Variants in CHCHD6 observed in about 807,000 individuals in gnomAD.
CHCHD6 encodes the protein coiled-coil-helix-coiled-coil-helix domain containing 6, also known as MICOS complex subunit MIC25.
In CHCHD6, 28 loss-of-function variants were observed where a neutral mutation model predicts 32.3. That is an observed-to-expected ratio of 0.87 (90% confidence interval 0.64 to 1.19). The LOEUF (loss-of-function observed/expected upper bound fraction) is 1.19. Ranked by LOEUF, CHCHD6 falls within the 50% of genes most tolerant of loss-of-function variation. The pLI is 0.00. For synonymous variants in CHCHD6, 122 were observed against 117.5 expected (o/e 1.04, Z -0.25); for missense variants, 333 against 307.0 (o/e 1.08, Z -0.63).
chr3:126,898,224 C>T (rs2077869098), intron 5 of CHCHD6, among the ~76,000 whole-genome samples: 1 of 152,260 alleles, frequency 6.6e-6, no homozygotes, highest in African/African-American at 2.4e-5. Flanking sequence ...CCCTGCTCTT[C>T]CCCAGTAAAG....
intron 4 of CHCHD6, among the ~76,000 whole-genome samples, chr3:126,830,533 C>T (rs1323201075): frequency 6.6e-6 from 1 of 152,218 alleles, no homozygotes; most frequent in Non-Finnish European, 1.5e-5. Flanking sequence ...GTCTTCCTCG[C>T]CCCCTGCTCT....
intron 6 of CHCHD6, among the ~76,000 whole-genome samples, chr3:126,956,560 G>GGA (rs2078786390): frequency 1.3e-5 from 2 of 151,430 alleles, no homozygotes; most frequent in African/African-American, 4.9e-5. Context: ...TGGCTGGCAG[G>GGA]GAGTGCACGA....
Position 126,891,941 on chromosome 3 carries a change from T to C in CHCHD6, c.496-22739T>C, listed in dbSNP as rs1201497605. ...GGTAATGAAATCTAAGCCACTGGCA[T>C]TTGGGAAGCACCTGTGCTTGTCACT... is the stretch of plus-strand genomic sequence containing the variant. On this transcript the variant is annotated intron_variant, in intron 5 of 7. Coordinates refer to ENST00000290913, the MANE Select transcript of CHCHD6 (RefSeq NM_032343.3). 2.0e-5 allele frequency among the ~76,000 whole-genome samples: 3 copies of C among 152,100 alleles called. No homozygotes were observed. The East Asian group carries it at 5.8e-4, about 29-fold the overall frequency.
intron 5 of CHCHD6, among the ~76,000 whole-genome samples, chr3:126,871,983 G>T (rs551644442): frequency 1.3e-5 from 2 of 152,164 alleles, no homozygotes; most frequent in South Asian, 4.2e-4. Context: ...CCCTTTTAAA[G>T]ATCATCCATC....
At chr3:126,788,838 C>T (rs1474004778) in intron 4 of CHCHD6, among the ~76,000 whole-genome samples, 12 of 152,184 alleles carry the variant, frequency 7.9e-5, no homozygotes, top group African/African-American at 2.9e-4. Flanking sequence ...CTGCTCTGAT[C>T]TTAGTTATTT....
chr3:126,943,406 T>C (rs1045465795), intron 6 of CHCHD6, among the ~76,000 whole-genome samples: 1 of 152,226 alleles, frequency 6.6e-6, no homozygotes, highest in African/African-American at 2.4e-5. Context: ...CTCTGCCTCG[T>C]TTTGCCTCCT....
chr3:126,706,266 A>G (rs1171188417), intron 1 of CHCHD6, among the ~76,000 whole-genome samples: 1 of 152,166 alleles, frequency 6.6e-6, no homozygotes, highest in Admixed American at 6.5e-5. Context: ...TTTCATTTCT[A>G]GTTCTCTTAA....
At chr3:126,763,265 C>T (rs573792890) in intron 4 of CHCHD6, among the ~76,000 whole-genome samples, 1 of 146,840 alleles carries the variant, frequency 6.8e-6, no homozygotes, top group Admixed American at 6.9e-5. Flanking sequence ...TCCTTTCCTT[C>T]CCCTCCCCTC....
At chr3:126,873,902 G>C (rs993709045) in intron 5 of CHCHD6, among the ~76,000 whole-genome samples, 1 of 152,224 alleles carries the variant, frequency 6.6e-6, no homozygotes, top group Non-Finnish European at 1.5e-5. Flanking sequence ...TTAAGTGGTA[G>C]AAGCGGGATT....
chr3:126,896,774 C>T (rs2077846631), intron 5 of CHCHD6, among the ~76,000 whole-genome samples: 1 of 152,132 alleles, frequency 6.6e-6, no homozygotes, highest in African/African-American at 2.4e-5. Context: ...GGCTAGCAGA[C>T]CCTCGAAGGG....
At chr3:126,768,703 C>G (rs923189740) in intron 4 of CHCHD6, among the ~76,000 whole-genome samples, 1 of 152,146 alleles carries the variant, frequency 6.6e-6, no homozygotes, top group Non-Finnish European at 1.5e-5. Flanking sequence ...TATAAGCATA[C>G]CCTTTTCCCC....
intron 4 of CHCHD6, among the ~76,000 whole-genome samples, chr3:126,739,344 T>TTTG (rs60465053): frequency 2.6e-5 from 4 of 151,874 alleles, no homozygotes; most frequent in Non-Finnish European, 5.9e-5. Flanking sequence ...CCACATATTC[T>TTTG]TTGTTGTTGT....
At chr3:126,799,624 T>G (rs1325116161) in intron 4 of CHCHD6, among the ~76,000 whole-genome samples, 1 of 152,168 alleles carries the variant, frequency 6.6e-6, no homozygotes, top group Non-Finnish European at 1.5e-5. Context: ...TCGCCCCACA[T>G]TCCTGGGTGT....
At chr3:126,912,372 G>A (rs73861724) in intron 5 of CHCHD6, among the ~76,000 whole-genome samples, 27 of 152,252 alleles carry the variant, frequency 1.8e-4, no homozygotes, top group African/African-American at 6.3e-4. Context: ...TGGACTGGTC[G>A]AGGCAAAGAC....
chr3:126,876,706 C>T (rs149917639), intron 5 of CHCHD6, among the ~76,000 whole-genome samples: 10 of 152,268 alleles, frequency 6.6e-5, no homozygotes, highest in Middle Eastern at 3.4e-3. Context: ...GTGTGAATGT[C>T]GCATCACAGA....
chr3:126,704,375 G>C lies in CHCHD6; in HGVS notation c.63G>C (p.Arg21=), dbSNP rs1470890756. 4 of 1,575,316 alleles carry C rather than the reference G, an allele frequency of 2.5e-6. No individual in the cohort carries two copies. The highest frequency in any genetic ancestry group is 3.4e-6 in the Non-Finnish European group (4 of 1,161,780). The change falls in exon 1 of 8, where the codon CGG becomes CGC. Residue 21 remains arginine (R), a synonymous_variant. Transcript: ENST00000290913. The part of the protein sequence containing the change: ...RVSFGVDEEE[R]VRVLQGVRLS... Reference sequence around the variant, plus strand: ...CCTTCGGAGTGGACGAGGAGGAGCGGGTCCGGGTGCTGCAGGGTGTCCGGG... The same window carrying C: ...CCTTCGGAGTGGACGAGGAGGAGCGCGTCCGGGTGCTGCAGGGTGTCCGGG...
intron 1 of CHCHD6, among the ~76,000 whole-genome samples, chr3:126,720,291 T>G (rs1044086345): frequency 6.6e-6 from 1 of 152,174 alleles, no homozygotes; most frequent in Non-Finnish European, 1.5e-5. Flanking sequence ...AGATCACACC[T>G]GTCATGGTTG....
chr3:126,781,995 C>T (rs535378392), intron 4 of CHCHD6, among the ~76,000 whole-genome samples: 8 of 152,114 alleles, frequency 5.3e-5, no homozygotes, highest in East Asian at 1.9e-4. Context: ...GTAAGATCTG[C>T]GGCTGAGCCC....
At chr3:126,947,309 C>A (rs973883716) in intron 6 of CHCHD6, among the ~76,000 whole-genome samples, 1 of 152,262 alleles carries the variant, frequency 6.6e-6, no homozygotes, top group Non-Finnish European at 1.5e-5. Context: ...TCACTTTCCT[C>A]CCTGTGGCTC....
Sources: allele counts gnomAD v4.1 joint callset (sites outside exome capture counted in the v4.1 genomes callset), GRCh38; gene constraint gnomAD v4.1.1; transcripts MANE v1.5; gene names NCBI Gene and HGNC (gene_info 2026-07-23, HGNC 2026-07-21).